SH3PXD2A: variants seen among roughly 807,000 people sequenced by gnomAD.
The protein encoded by SH3PXD2A is SH3 and PX domains 2A.
In SH3PXD2A, 32 loss-of-function variants were observed where a neutral mutation model predicts 115.2. The ratio of observed to expected loss-of-function variants is 0.28; its 90% confidence interval spans 0.21 to 0.37. The LOEUF is 0.37. SH3PXD2A is among the 10% of genes least tolerant of loss of function. The probability of loss-of-function intolerance (pLI) is 1.00; values close to 1 mark genes in which losing one functional copy is unlikely to be tolerated. For missense variants in SH3PXD2A, 1,328 were observed against 1,498.7 expected (o/e 0.89, Z 1.88); for synonymous variants, 610 against 629.1 (o/e 0.97, Z 0.45).
At chr10:103,621,017 C>T (rs144514875) in intron 10 of SH3PXD2A, among the ~76,000 whole-genome samples, 4 of 152,162 alleles carry the variant, frequency 2.6e-5, no homozygotes, top group East Asian at 1.9e-4. Context: ...ACGGTGTATG[C>T]GTGGCTGCAT....
At chr10:103,613,372 C>A (rs1395671949) in intron 11 of SH3PXD2A, among the ~76,000 whole-genome samples, 182 bp from the exon 12 acceptor site, 2 of 152,182 alleles carry the variant, frequency 1.3e-5, no homozygotes, top group Non-Finnish European at 2.9e-5. Context: ...ACACCCAGAA[C>A]ACCAATTCCC....
intron 7 of SH3PXD2A, among the ~76,000 whole-genome samples, chr10:103,661,338 A>G (rs1394738965): frequency 6.6e-6 from 1 of 152,182 alleles, no homozygotes; most frequent in Non-Finnish European, 1.5e-5. Context: ...GGACATGGGG[A>G]GCCAGGGGGC....
rs1353443768 is a variant in SH3PXD2A, at chr10:103,756,280, T to C, written c.229+10814A>G. Among the ~76,000 whole-genome samples the C allele has an allele frequency of 6.6e-6, 1 of 152,152 alleles. No homozygotes were observed. Among genetic ancestry groups the C allele is most frequent in the Non-Finnish European group, 1.5e-5 (1 of 68,010 alleles). On this transcript the variant is annotated intron_variant, in intron 3 of 14. Coordinates refer to ENST00000369774, the MANE Select transcript of SH3PXD2A (RefSeq NM_001394015.1). The surrounding 1 kb of genome is among the most constrained non-coding windows in gnomAD (Gnocchi z 4.4). ...GTCCCTGCCAGAGAAGAGCTCTGGCTTGGGGCTTTGTCCTTGGGCCTGGGT... is the reference window on the plus strand; with the variant it reads ...GTCCCTGCCAGAGAAGAGCTCTGGCCTGGGGCTTTGTCCTTGGGCCTGGGT...
At chr10:103,625,506 G>A (rs2036678115) in intron 9 of SH3PXD2A, among the ~76,000 whole-genome samples, 1 of 152,260 alleles carries the variant, frequency 6.6e-6, no homozygotes, top group Non-Finnish European at 1.5e-5. Flanking sequence ...GGTCCTCCCA[G>A]GGTGGGGGCA....
intron 6 of SH3PXD2A, among the ~76,000 whole-genome samples, chr10:103,686,377 C>T (rs1007784123): frequency 1.4e-4 from 21 of 152,210 alleles, no homozygotes; most frequent in Admixed American, 1.3e-4. Flanking sequence ...CAGAACTTCC[C>T]GGCTAGGTGC....
At chr10:103,662,689 G>A (rs1478980808) in intron 7 of SH3PXD2A, among the ~76,000 whole-genome samples, 3 of 152,080 alleles carry the variant, frequency 2.0e-5, no homozygotes, top group South Asian at 2.1e-4. Flanking sequence ...GTGAGCCACC[G>A]CGCCCGGCCT....
intron 8 of SH3PXD2A, among the ~76,000 whole-genome samples, chr10:103,660,542 C>T (rs897576497): frequency 1.3e-5 from 2 of 152,204 alleles, no homozygotes; most frequent in Admixed American, 1.3e-4. Context: ...GCCAGCGACC[C>T]GGGGACCCTG....
At chr10:103,838,048 C>A (rs903477735) in intron 1 of SH3PXD2A, among the ~76,000 whole-genome samples, 1 of 152,134 alleles carries the variant, frequency 6.6e-6, no homozygotes, top group Non-Finnish European at 1.5e-5. Context: ...TGGTTAGCTG[C>A]GGAAACTGAG....
At chr10:103,849,078 A>G (rs989971663) in intron 1 of SH3PXD2A, among the ~76,000 whole-genome samples, 1 of 150,472 alleles carries the variant, frequency 6.6e-6, no homozygotes, top group Non-Finnish European at 1.5e-5. Context: ...GCCAAGGGAT[A>G]CGGCACACAG....
intron 10 of SH3PXD2A, among the ~76,000 whole-genome samples, chr10:103,622,195 C>T (rs1220538169): frequency 6.6e-6 from 1 of 152,116 alleles, no homozygotes; most frequent in East Asian, 1.9e-4. Context: ...TTGTCCCCCT[C>T]CTCAAGCCCC....
chr10:103,751,901 C>T (rs2038583953), intron 3 of SH3PXD2A, among the ~76,000 whole-genome samples: 1 of 152,230 alleles, frequency 6.6e-6, no homozygotes, highest in Admixed American at 6.5e-5. Context: ...TGATCTGTGA[C>T]TGTCTGCTGC....
At chr10:103,675,199 G>A (rs2037517596) in intron 6 of SH3PXD2A, among the ~76,000 whole-genome samples, 1 of 152,214 alleles carries the variant, frequency 6.6e-6, no homozygotes, top group Non-Finnish European at 1.5e-5. Flanking sequence ...CTGGGCAGTG[G>A]CCTAGGGTCC....
intron 8 of SH3PXD2A, among the ~76,000 whole-genome samples, chr10:103,634,399 G>A (rs1362926426): frequency 6.6e-6 from 1 of 152,220 alleles, no homozygotes; most frequent in Non-Finnish European, 1.5e-5. Flanking sequence ...TTAGGCACTT[G>A]CTCCACATAT....
At chr10:103,773,360 T>C (rs2038848573) in intron 2 of SH3PXD2A, among the ~76,000 whole-genome samples, 1 of 151,990 alleles carries the variant, frequency 6.6e-6, no homozygotes, top group Admixed American at 6.5e-5. Context: ...CTGTGTTACA[T>C]GCAGGGGACA....
At chr10:103,822,608 C>T (rs1009135052) in intron 1 of SH3PXD2A, among the ~76,000 whole-genome samples, 1 of 152,252 alleles carries the variant, frequency 6.6e-6, no homozygotes, top group Non-Finnish European at 1.5e-5. Context: ...GGAGCAAGCT[C>T]AGGGCAGCCT....
At chr10:103,674,347 C>T (rs1371083848) in intron 6 of SH3PXD2A, among the ~76,000 whole-genome samples, 1 of 152,188 alleles carries the variant, frequency 6.6e-6, no homozygotes, top group East Asian at 1.9e-4. Context: ...TTTACGACAG[C>T]CCAACAGGGT....
chr10:103,663,689 T>A (rs1345931827), intron 7 of SH3PXD2A, among the ~76,000 whole-genome samples: 1 of 152,230 alleles, frequency 6.6e-6, no homozygotes, highest in Non-Finnish European at 1.5e-5. Context: ...GATCTTTGGG[T>A]CCTTCTGTAG....
intron 6 of SH3PXD2A, chr10:103,678,081 C>T: frequency 1.6e-6 from 2 of 1,275,882 alleles, no homozygotes; most frequent in South Asian, 2.5e-5. Flanking sequence ...GAAAAATTAC[C>T]CCTAAGCAGT....
At chr10:103,638,676 G>GT (rs1159152973) in intron 8 of SH3PXD2A, among the ~76,000 whole-genome samples, 3 of 152,248 alleles carry the variant, frequency 2.0e-5, no homozygotes, top group Non-Finnish European at 4.4e-5. Context: ...TCTCAGTGTT[G>GT]TTACGAGGAT....
Sources: gnomAD v4.1 joint callset for allele counts (sites outside exome capture counted in the v4.1 genomes callset) on GRCh38, gnomAD v4.1.1 for gene constraint, Gnocchi (gnomAD v3.1) non-coding constraint, MANE v1.5 for transcripts, NCBI Gene and HGNC (gene_info 2026-07-23, HGNC 2026-07-21) for gene names.